The following CCNJL variants were observed in gnomAD, a reference collection of about 807,000 sequenced individuals.
CCNJL encodes cyclin-J-like protein.
In CCNJL, 33 loss-of-function variants were observed where a neutral mutation model predicts 33.4. That is an observed-to-expected ratio of 0.99 (90% CI 0.75 to 1.32). CCNJL has a LOEUF of 1.32. CCNJL is among the 40% of genes most tolerant of loss of function. The pLI, the probability that CCNJL is intolerant of heterozygous loss-of-function variation, is 0.00. For missense variants in CCNJL, 512 were observed against 499.7 expected, an observed-to-expected ratio of 1.02 and a Z score of -0.23; for synonymous variants, 227 against 220.9, an observed-to-expected ratio of 1.03 and a Z score of -0.24.
chr5:160,286,566 A>T (rs777003082), intron 2 of CCNJL, among the ~76,000 whole-genome samples: 6 of 152,160 alleles, frequency 3.9e-5, no homozygotes, highest in Middle Eastern at 3.2e-3. Flanking sequence ...TGAACCCGGG[A>T]AGCAGAGGTT....
chr5:160,305,631 C>T (rs1763071729), intron 2 of CCNJL, among the ~76,000 whole-genome samples: 1 of 152,234 alleles, frequency 6.6e-6, no homozygotes, highest in African/African-American at 2.4e-5. Context: ...GACAGAACCT[C>T]AATTTTCCCC....
chr5:160,320,992 TTCTTTC>T lies in CCNJL; in HGVS notation n.207-5493_207-5488del, dbSNP rs1379816239. Among the ~76,000 whole-genome samples, 640 of 77,910 alleles carry T rather than the reference TTCTTTC, an allele frequency of 8.2e-3. 44 individuals carry two copies. The highest frequency in any genetic ancestry group is 0.04 in the African/African-American group (610 of 15,218). The allele number at this position is 77,910 out of a possible 152,430, so 51.1% of individuals were successfully genotyped here. A position where few individuals can be genotyped will look rare whatever the true frequency, so the allele number is the denominator to read the frequency against. ...TCTCTCCCTCCCTCTCTCTCTTTCTTTCTTTCTCTCTCTCTCTCTCTCTTTCTTTCT... is the reference window on the plus strand; with the variant it reads ...TCTCTCCCTCCCTCTCTCTCTTTCTTTCTCTCTCTCTCTCTCTTTCTTTCT... On this transcript the variant is annotated intron_variant and non_coding_transcript_variant, in intron 1 of 7. Transcript: ENST00000377503.
At chr5:160,334,217 C>A (rs566065537) in intron 1 of CCNJL, among the ~76,000 whole-genome samples, 27 of 152,316 alleles carry the variant, frequency 1.8e-4, no homozygotes, top group African/African-American at 6.3e-4. Context: ...CGCTGTCATG[C>A]CCGTGCTACA....
chr5:160,253,892 G>A lies in CCNJL; in HGVS notation c.744-94C>T. 3.1e-6 allele frequency: 3 copies of A among 957,346 alleles called. No individual in the cohort carries two copies. The South Asian group carries it at 5.4e-5, about 17-fold the overall frequency. 59.3% of individuals were successfully genotyped at this position (957,346 alleles called of 1,614,324 possible). A position where few individuals can be genotyped will look rare whatever the true frequency, so the allele number is the denominator to read the frequency against. The stretch of plus-strand genomic sequence containing the variant: ...TGTCTTGCTAAGTGGGACTGGAAGA[G>A]ATGCGTGTGTCCTGTGTCCACCAGG... On this transcript the variant is annotated intron_variant, in intron 5 of 5. Transcript: ENST00000257536.
intron 3 of CCNJL, 93 bp from the exon 4 acceptor site, chr5:160,259,864 G>A: frequency 9.5e-7 from 1 of 1,048,902 alleles, no homozygotes; most frequent in Non-Finnish European, 1.4e-6. Context: ...GGACATTGCT[G>A]GCAAAGAAGA....
intron 2 of CCNJL, among the ~76,000 whole-genome samples, chr5:160,299,862 A>T (rs549754923): frequency 6.6e-6 from 1 of 151,556 alleles, no homozygotes; most frequent in East Asian, 1.9e-4. Flanking sequence ...TACAATAATC[A>T]GAAAAGTCCA....
chr5:160,287,781 C>T (rs1762455891), intron 2 of CCNJL, among the ~76,000 whole-genome samples: 3 of 152,200 alleles, frequency 2.0e-5, no homozygotes, highest in South Asian at 2.1e-4. Flanking sequence ...ATCAGGCAGG[C>T]GCTGGGCGGG....
intron 3 of CCNJL, among the ~76,000 whole-genome samples, chr5:160,263,001 C>T (rs1266856759): frequency 6.6e-6 from 1 of 152,192 alleles, no homozygotes; most frequent in Non-Finnish European, 1.5e-5. Context: ...TCCTTCCAAG[C>T]CAGACAATAG....
At chr5:160,260,583 A>T (rs1761278700) in intron 3 of CCNJL, among the ~76,000 whole-genome samples, 1 of 152,044 alleles carries the variant, frequency 6.6e-6, no homozygotes, top group Non-Finnish European at 1.5e-5. Flanking sequence ...GAACAATGGG[A>T]GGTCCTTGTG....
intron 3 of CCNJL, among the ~76,000 whole-genome samples, chr5:160,264,322 T>C (rs1366659974): frequency 4.6e-5 from 7 of 152,146 alleles, no homozygotes; most frequent in Admixed American, 4.6e-4. Flanking sequence ...ACCCCCAGTG[T>C]TGGTGGTGAC....
chr5:160,339,039 G>A (rs897395711), intron 1 of CCNJL, among the ~76,000 whole-genome samples: 1 of 151,838 alleles, frequency 6.6e-6, no homozygotes, highest in African/African-American at 2.4e-5. Context: ...CACCCACCTC[G>A]GACTCCCAAA....
chr5:160,303,194 A>G (rs1363309120), intron 2 of CCNJL, among the ~76,000 whole-genome samples: 2 of 152,040 alleles, frequency 1.3e-5, no homozygotes, highest in African/African-American at 4.8e-5. Context: ...ACGACAAGGT[A>G]TTTTCCTTTT....
chr5:160,299,985 A>G (rs1336672472), intron 2 of CCNJL, among the ~76,000 whole-genome samples: 3 of 151,964 alleles, frequency 2.0e-5, no homozygotes, highest in Non-Finnish European at 4.4e-5. Context: ...GTTCTCTCCA[A>G]CTTTCCCTTA....
chr5:160,323,061 C>G (rs1290773708), intron 1 of CCNJL, among the ~76,000 whole-genome samples: 5 of 151,966 alleles, frequency 3.3e-5, no homozygotes, highest in Non-Finnish European at 7.4e-5. Context: ...GGTGAAACCC[C>G]GTCTTTACTA....
chr5:160,328,073 G>C (rs1159872830), intron 1 of CCNJL, among the ~76,000 whole-genome samples: 1 of 152,186 alleles, frequency 6.6e-6, no homozygotes, highest in Non-Finnish European at 1.5e-5. Context: ...CTGGTACAGA[G>C]GCTCACGCAG....
intron 2 of CCNJL, among the ~76,000 whole-genome samples, chr5:160,300,227 C>A (rs182830717): frequency 1.3e-5 from 2 of 152,114 alleles, no homozygotes; most frequent in Non-Finnish European, 2.9e-5. Context: ...ATTCTGCCTC[C>A]GAAGGATCCA....
In CCNJL at chr5:160,337,911, G is replaced by A. The variant is rs114335387; in HGVS notation, n.206+1534C>T. 9.3e-3 allele frequency among the ~76,000 whole-genome samples: 1,409 copies of A among 152,206 alleles called. 6 individuals are homozygous for A. Among genetic ancestry groups the A allele is most frequent in the Non-Finnish European group, 0.014 (971 of 68,008 alleles). On this transcript the variant is annotated intron_variant and non_coding_transcript_variant, in intron 1 of 7. Coordinates refer to the CCNJL transcript ENST00000377503. ...AGATCACACACATACTCTGAGTTCTGCAAACACCCCTCACCTCCGTTTAAT... is the reference window on the plus strand; with the variant it reads ...AGATCACACACATACTCTGAGTTCTACAAACACCCCTCACCTCCGTTTAAT...
chr5:160,256,627 C>G (rs998861957), intron 4 of CCNJL, among the ~76,000 whole-genome samples: 4 of 152,084 alleles, frequency 2.6e-5, no homozygotes, highest in Non-Finnish European at 4.4e-5. Context: ...TTAAATTGTT[C>G]ATGATTTTTG....
intron 1 of CCNJL, among the ~76,000 whole-genome samples, chr5:160,330,115 A>G (rs1376145079): frequency 1.3e-5 from 2 of 152,080 alleles, no homozygotes; most frequent in African/African-American, 4.8e-5. Context: ...CCGCCTTGCC[A>G]TTGTCCCCAA....
Sources: allele counts gnomAD v4.1 joint callset (sites outside exome capture counted in the v4.1 genomes callset), GRCh38; gene constraint gnomAD v4.1.1; transcripts MANE v1.5; gene names NCBI Gene and HGNC (gene_info 2026-07-23, HGNC 2026-07-21).